The following LRP2 variants were observed in gnomAD, a reference collection of about 807,000 sequenced individuals.
The protein encoded by LRP2 is low-density lipoprotein receptor-related protein 2.
LRP2 carries 172 observed loss-of-function variants against 531.0 expected under a neutral mutation model. That is an observed-to-expected ratio of 0.32 (90% CI 0.29 to 0.37). LRP2 has a LOEUF of 0.37. Among genes scored for constraint, LRP2 ranks in the 10% least tolerant of loss-of-function variants. The pLI, the probability that LRP2 is intolerant of heterozygous loss-of-function variation, is 1.00. For missense variants in LRP2, 5,167 were observed against 5,868.3 expected (o/e 0.88, Z 3.90); for synonymous variants, 1,992 against 2,027.6 (o/e 0.98, Z 0.47).
At position 169,139,342 on chromosome 2, in the gene LRP2, A is replaced by G; in HGVS notation, c.13297T>C (p.Leu4433=). ...GCCAGAGCTCCAATTACGACGATCA[A>G]GAGGATTGTCAACAGCACAGCTACT... is the stretch of plus-strand genomic sequence containing the variant. ...TAVAVLLTIL[L]IVVIGALAIA... The change falls in exon 74 of 79, where the codon TTG becomes CTG. Residue 4433 remains leucine, a synonymous_variant. Transcript: ENST00000649046. 1 of 1,614,192 alleles carries G rather than the reference A, an allele frequency of 6.2e-7. No homozygotes were observed. Among genetic ancestry groups the G allele is most frequent in the Non-Finnish European group, 8.5e-7 (1 of 1,180,030 alleles).
chr2:169,211,434 GGACT>G (rs1688588484), intron 37 of LRP2, among the ~76,000 whole-genome samples: 1 of 152,008 alleles, frequency 6.6e-6, no homozygotes, highest in Non-Finnish European at 1.5e-5. Context: ...TACTAAAGAG[GGACT>G]GACACTGTGA....
chr2:169,306,658 T>C (rs1055895410), intron 4 of LRP2, among the ~76,000 whole-genome samples: 1 of 152,160 alleles, frequency 6.6e-6, no homozygotes, highest in Admixed American at 6.5e-5. Context: ...CTAACACTTC[T>C]ATATAAGCCT....
At chr2:169,186,332 A>G (rs1188579469) in intron 49 of LRP2, among the ~76,000 whole-genome samples, 2 of 152,230 alleles carry the variant, frequency 1.3e-5, no homozygotes, top group Non-Finnish European at 2.9e-5. Context: ...TCTGATTTGT[A>G]GCATGTTCCA....
chr2:169,193,740 G>C, intron 47 of LRP2, 21 bp downstream of exon 47: 3 of 1,614,068 alleles, frequency 1.9e-6, no homozygotes, highest in Non-Finnish European at 2.5e-6. Context: ...CTCTGCAGAG[G>C]AATTAATTGG....
At chr2:169,272,876 C>T (rs1488987662) in intron 15 of LRP2, 51 bp downstream of exon 15, 3 of 1,611,486 alleles carry the variant, frequency 1.9e-6, no homozygotes, top group Non-Finnish European at 1.7e-6. Flanking sequence ...GAGGTTTGGA[C>T]ACACATACAC....
intron 33 of LRP2, among the ~76,000 whole-genome samples, chr2:169,224,331 C>T (rs753930972): frequency 1.3e-5 from 2 of 152,198 alleles, no homozygotes; most frequent in Non-Finnish European, 2.9e-5. Flanking sequence ...TAATCCCTTC[C>T]ATGTTTTACC....
Position 169,198,643 on chromosome 2 carries a change from G to A in LRP2, c.8578+143C>T, listed in dbSNP as rs1688083177. ...CATACCCCTGCAATCACATATGAAA[G>A]CAACTGCCTACCACCTCTACTTAGA... On this transcript the variant is annotated intron_variant, in intron 45 of 78. Transcript: ENST00000649046. The A allele has an allele frequency of 3.3e-6, 3 of 896,958 alleles. No individual in the cohort carries two copies. In the Admixed American group the frequency reaches 5.9e-5, roughly 18 times the overall value. 55.6% of individuals were successfully genotyped at this position (896,958 alleles called of 1,614,324 possible). A position where few individuals can be genotyped will look rare whatever the true frequency, so the allele number is the denominator to read the frequency against.
At chr2:169,236,200 C>G in intron 28 of LRP2, 132 bp from the exon 29 acceptor site, 1 of 759,746 alleles carries the variant, frequency 1.3e-6, no homozygotes. Flanking sequence ...AATATATTCA[C>G]AGAGTTTATT....
intron 57 of LRP2, 92 bp downstream of exon 57, chr2:169,173,004 T>G: frequency 6.7e-7 from 1 of 1,483,728 alleles, no homozygotes; most frequent in Non-Finnish European, 9.4e-7. Flanking sequence ...AAAGATGACA[T>G]GGGAAATACA....
chr2:169,231,920 G>T (rs758479932), intron 30 of LRP2, 78 bp from the exon 31 acceptor site: 22 of 1,561,646 alleles, frequency 1.4e-5, no homozygotes, highest in Non-Finnish European at 1.7e-5. Flanking sequence ...TGCTCTTAGT[G>T]TCCTTCCAGA....
chr2:169,283,180 A>C (rs2105455015), intron 9 of LRP2, among the ~76,000 whole-genome samples, 179 bp from the exon 10 acceptor site: 1 of 152,358 alleles, frequency 6.6e-6, no homozygotes, highest in South Asian at 2.1e-4. Flanking sequence ...GTAAGGAAAA[A>C]GAACATTTAC....
chr2:169,134,399 A>C (rs1004496327), intron 76 of LRP2, among the ~76,000 whole-genome samples: 31 of 152,114 alleles, frequency 2.0e-4, no homozygotes, highest in African/African-American at 5.5e-4. Context: ...ACTTCAATCC[A>C]GCCTCCCACA....
At chr2:169,158,425 C>T (rs577364129) in intron 63 of LRP2, among the ~76,000 whole-genome samples, 13 of 152,002 alleles carry the variant, frequency 8.6e-5, no homozygotes, top group African/African-American at 2.7e-4. Flanking sequence ...AAAACTAAGA[C>T]ATTAATGATG....
At chr2:169,234,570 G>T (rs1037812875) in intron 29 of LRP2, among the ~76,000 whole-genome samples, 2 of 152,126 alleles carry the variant, frequency 1.3e-5, no homozygotes, top group Non-Finnish European at 2.9e-5. Flanking sequence ...ATTGTAAATA[G>T]TGCTGCAATA....
At position 169,353,947 on chromosome 2, in the gene LRP2, C is replaced by T. The variant is rs925709944; in HGVS notation, c.79+8374G>A. ...TTGAGGCTGCAGGGAGCCATGCACTCCAGCCTGAGTGATAAAGTGAGACCC... is the reference window on the plus strand; with the variant it reads ...TTGAGGCTGCAGGGAGCCATGCACTTCAGCCTGAGTGATAAAGTGAGACCC... On this transcript the variant is annotated intron_variant, in intron 1 of 78. Transcript: ENST00000649046. 1.2e-4 allele frequency among the ~76,000 whole-genome samples: 19 copies of T among 152,290 alleles called. 1 individual carries two copies. The East Asian group carries it at 3.7e-3, about 29-fold the overall frequency.
intron 53 of LRP2, 73 bp downstream of exon 53, chr2:169,177,730 T>G: frequency 7.8e-7 from 1 of 1,284,388 alleles, no homozygotes; most frequent in East Asian, 2.3e-5. Context: ...ATCACGAAGT[T>G]CATGCTTAAA....
chr2:169,190,536 G>A (rs1687793497), intron 48 of LRP2, among the ~76,000 whole-genome samples: 1 of 151,976 alleles, frequency 6.6e-6, no homozygotes, highest in African/African-American at 2.4e-5. Flanking sequence ...CTGTTGATGA[G>A]CTGCCTGCCC....
chr2:169,277,760 T>A lies in LRP2; in HGVS notation c.1757A>T (p.Tyr586Phe). 6.2e-7 allele frequency: 1 copy of A among 1,614,072 alleles called. No homozygotes were observed. The highest frequency in any genetic ancestry group is 8.5e-7 in the Non-Finnish European group (1 of 1,179,950). Residue 586 changes from tyrosine to phenylalanine, a missense_variant, in exon 13 of 79, where the codon TAT becomes TTT. Coordinates refer to ENST00000649046, the MANE Select transcript of LRP2 (RefSeq NM_004525.3). Reference sequence around the variant, plus strand: ...TACTTCTTACCTTTGAATTCCATCATAAGTTACAGTTTCAATGTAATCAAA... The same window carrying A: ...TACTTCTTACCTTTGAATTCCATCAAAAGTTACAGTTTCAATGTAATCAAA... Reference protein sequence around the residue: ...SRFDYIETVTYDGIQRKTVVH... With the variant: ...SRFDYIETVTFDGIQRKTVVH...
chr2:169,133,370 T>A (rs888081551), intron 76 of LRP2, among the ~76,000 whole-genome samples: 3 of 152,264 alleles, frequency 2.0e-5, no homozygotes, highest in African/African-American at 7.2e-5. Flanking sequence ...GAAACTTGGA[T>A]ATGCATTTGT....
Sources: gnomAD v4.1 joint callset for allele counts (sites outside exome capture counted in the v4.1 genomes callset) on GRCh38, gnomAD v4.1.1 for gene constraint, MANE v1.5 for transcripts, NCBI Gene and HGNC (gene_info 2026-07-23, HGNC 2026-07-21) for gene names.